Variants in FFAR4 observed in about 807,000 individuals in gnomAD.
FFAR4 encodes the protein G-protein coupled receptor 120.
In FFAR4, 19 loss-of-function variants were observed where a neutral mutation model predicts 27.0. The observed-to-expected ratio is 0.70, with a 90% CI of 0.49 to 1.03. The LOEUF (loss-of-function observed/expected upper bound fraction) is 1.03, where lower values mean the gene tolerates loss of function less well. Ranked by LOEUF, FFAR4 falls within the 50% of genes least tolerant of loss-of-function variation. The pLI, the probability that FFAR4 is intolerant of heterozygous loss-of-function variation, is 0.00. For synonymous variants in FFAR4, 254 were observed against 215.6 expected (o/e 1.18, Z -1.56); for missense variants, 476 against 479.0 (o/e 0.99, Z 0.06).
At chr10:93,567,678 G>T (rs1395476657) in intron 1 of FFAR4, among the ~76,000 whole-genome samples, 1 of 152,136 alleles carries the variant, frequency 6.6e-6, no homozygotes. Context: ...AGAACCAGAG[G>T]CACACCGAAG....
At chr10:93,572,385 T>C (rs2058136772) in intron 1 of FFAR4, among the ~76,000 whole-genome samples, 2 of 152,184 alleles carry the variant, frequency 1.3e-5, no homozygotes, top group Non-Finnish European at 2.9e-5. Context: ...GTGAGTGCTG[T>C]TCTGAAACTT....
intron 2 of FFAR4, among the ~76,000 whole-genome samples, chr10:93,577,954 C>T (rs913291675): frequency 7.2e-5 from 11 of 152,110 alleles, no homozygotes; most frequent in African/African-American, 2.2e-4. Flanking sequence ...GACACATTCT[C>T]TATCCAGAAG....
In FFAR4 at chr10:93,587,284, G is replaced by A. The variant is rs116454156; in HGVS notation, c.761G>A (p.Arg254His). The change falls in exon 3 of 3, where the codon CGC (arginine) becomes CAC (histidine). Residue 254 changes from arginine to histidine, a missense_variant. Transcript: ENST00000371481. Reference sequence around the variant, plus strand: ...GCCTACTCGGAGAGCCACCAGATCCGCGTGTCCCAGCAGGACTTCCGGCTC... The same window carrying A: ...GCCTACTCGGAGAGCCACCAGATCCACGTGTCCCAGCAGGACTTCCGGCTC... ...SLAYSESHQI[R>H]VSQQDFRLFR... is the part of the protein sequence containing the mutation. 28,015 of 1,614,070 alleles carry A rather than the reference G, an allele frequency of 0.017. 393 individuals are homozygous for A. Among genetic ancestry groups the A allele is most frequent in the South Asian group, 0.035 (3,166 of 91,066 alleles).
At chr10:93,576,577 T>C (rs2058165290) in intron 2 of FFAR4, among the ~76,000 whole-genome samples, 1 of 152,242 alleles carries the variant, frequency 6.6e-6, no homozygotes, top group Non-Finnish European at 1.5e-5. Flanking sequence ...ATGTCATGTA[T>C]ACTGTGTGTG....
Position 93,587,303 on chromosome 10 carries a change from C to A in FFAR4, c.780C>A (p.Phe260Leu). Reference sequence around the variant, plus strand: ...AGATCCGCGTGTCCCAGCAGGACTTCCGGCTCTTCCGCACCCTCTTCCTCC... The same window carrying A: ...AGATCCGCGTGTCCCAGCAGGACTTACGGCTCTTCCGCACCCTCTTCCTCC... ...SHQIRVSQQD[F>L]RLFRTLFLLM... The change falls in exon 3 of 3, where the codon TTC becomes TTA. Residue 260 changes from phenylalanine to leucine, a missense_variant. Phe to Leu is a conservative substitution (Grantham distance 22). Transcript: ENST00000371481. 2 of 1,614,152 alleles carry A rather than the reference C, an allele frequency of 1.2e-6. No individual in the cohort carries two copies. Among genetic ancestry groups the A allele is most frequent in the Non-Finnish European group, 1.7e-6 (2 of 1,180,010 alleles).
rs1274924778 is a variant in FFAR4, at chr10:93,576,087, C to A, written c.568-4C>A. ...CATGATGTTCTTTTCCTTTTTGTAA[C>A]TAGGAAATTTCGATTTGCACACTGA... On this transcript the variant is annotated splice_region_variant and splice_polypyrimidine_tract_variant and intron_variant, in intron 1 of 2. Coordinates refer to ENST00000371481, the MANE Select transcript of FFAR4 (RefSeq NM_001195755.2). The A allele has an allele frequency of 3.1e-6, 5 of 1,613,512 alleles. No homozygotes were observed. The Admixed American group carries it at 8.3e-5, about 27-fold the overall frequency.
intron 1 of FFAR4, among the ~76,000 whole-genome samples, chr10:93,572,857 C>T (rs1589674902): frequency 6.6e-6 from 1 of 152,184 alleles, no homozygotes; most frequent in Non-Finnish European, 1.5e-5. Flanking sequence ...GGAGCTTTAC[C>T]TGCAAAAGGA....
intron 2 of FFAR4, among the ~76,000 whole-genome samples, chr10:93,581,452 C>T (rs946075137): frequency 2.0e-5 from 3 of 152,184 alleles, no homozygotes; most frequent in Admixed American, 2.0e-4. Context: ...GAGACTCAAC[C>T]TTCAGGGTTG....
At position 93,578,018 on chromosome 10, in the gene FFAR4, G is replaced by A. The variant is rs112473274; in HGVS notation, c.696+1799G>A. ...GGAGACAGACAAGGGTGCTGATATC[G>A]AAAGGAGAGAAACTGAACACAAGGT... On this transcript the variant is annotated intron_variant, in intron 2 of 2. Coordinates refer to ENST00000371481, the MANE Select transcript of FFAR4 (RefSeq NM_001195755.2). Among the ~76,000 whole-genome samples the A allele has an allele frequency of 4.1e-4, 63 of 152,248 alleles. 1 individual carries two copies. The highest frequency in any genetic ancestry group is 1.3e-3 in the African/African-American group (54 of 41,540).
chr10:93,578,486 G>A (rs575787209), intron 2 of FFAR4, among the ~76,000 whole-genome samples: 2 of 151,446 alleles, frequency 1.3e-5, no homozygotes, highest in East Asian at 3.9e-4. Context: ...AGACTTGACA[G>A]TGTTATTTTA....
intron 1 of FFAR4, among the ~76,000 whole-genome samples, chr10:93,569,463 G>C (rs753039998): frequency 6.6e-6 from 1 of 152,198 alleles, no homozygotes; most frequent in Admixed American, 6.5e-5. Context: ...ACTTAGTACC[G>C]CACCACTGTT....
Position 93,566,745 on chromosome 10 carries a change from G to A in FFAR4, c.25G>A (p.Ala9Thr). MSPECARA[A>T]GDAPLRSLEQ... Reference sequence around the variant, plus strand: ...AATGTCCCCTGAATGCGCGCGGGCAGCGGGCGACGCGCCCTTGCGCAGCCT... The same window carrying A: ...AATGTCCCCTGAATGCGCGCGGGCAACGGGCGACGCGCCCTTGCGCAGCCT... The change falls in exon 1 of 3, where the codon GCG becomes ACG. Residue 9 changes from alanine (A) to threonine (T), a missense_variant. Transcript: ENST00000371481. The A allele has an allele frequency of 6.2e-7, 1 of 1,601,758 alleles. No individual in the cohort carries two copies. Among genetic ancestry groups the A allele is most frequent in the Non-Finnish European group, 8.5e-7 (1 of 1,177,036 alleles).
At chr10:93,577,824 G>A (rs1253628512) in intron 2 of FFAR4, among the ~76,000 whole-genome samples, 1 of 152,128 alleles carries the variant, frequency 6.6e-6, no homozygotes, top group Non-Finnish European at 1.5e-5. Flanking sequence ...GTGGCAATCA[G>A]GATTTAAATT....
intron 2 of FFAR4, among the ~76,000 whole-genome samples, chr10:93,586,785 G>C (rs1379260363): frequency 6.6e-6 from 1 of 152,134 alleles, no homozygotes; most frequent in Non-Finnish European, 1.5e-5. Flanking sequence ...AAGCCATATG[G>C]GAAAATACTC....
chr10:93,584,583 C>G (rs1023828975), intron 2 of FFAR4, among the ~76,000 whole-genome samples: 7 of 152,228 alleles, frequency 4.6e-5, no homozygotes, highest in Admixed American at 4.6e-4. Context: ...GACTATGAGG[C>G]TGTTCACTCA....
intron 2 of FFAR4, among the ~76,000 whole-genome samples, chr10:93,583,415 CAA>C (rs56306969): frequency 5.9e-4 from 65 of 111,088 alleles, no homozygotes; most frequent in Middle Eastern, 4.8e-3. Flanking sequence ...GACTCCGCTT[CAA>C]AAAAAAAAAA....
intron 1 of FFAR4, among the ~76,000 whole-genome samples, chr10:93,570,924 A>G (rs2058128317): frequency 6.6e-6 from 1 of 152,172 alleles, no homozygotes; most frequent in South Asian, 2.1e-4. Context: ...CAAAATGGGC[A>G]TGATTACAGT....
chr10:93,586,044 C>T, intron 2 of FFAR4, among the ~76,000 whole-genome samples: 1 of 152,240 alleles, frequency 6.6e-6, no homozygotes, highest in East Asian at 1.9e-4. Flanking sequence ...ACTGGTATGC[C>T]ATCTCCCACT....
At chr10:93,574,979 G>C (rs930495036) in intron 1 of FFAR4, among the ~76,000 whole-genome samples, 8 of 152,226 alleles carry the variant, frequency 5.3e-5, no homozygotes, top group Admixed American at 2.0e-4. Context: ...CCTACCATGT[G>C]TTCACACCAG....
Sources: allele counts gnomAD v4.1 joint callset (sites outside exome capture counted in the v4.1 genomes callset), GRCh38; gene constraint gnomAD v4.1.1; transcripts MANE v1.5; gene names NCBI Gene and HGNC (gene_info 2026-07-23, HGNC 2026-07-21).